NXPE2: variants seen among roughly 807,000 people sequenced by gnomAD.
The protein encoded by NXPE2 is neurexophilin and PC-esterase domain family member 2.
NXPE2 carries 34 observed loss-of-function variants against 34.4 expected under a neutral mutation model. That is an observed-to-expected ratio of 0.99 (90% confidence interval 0.75 to 1.31). The LOEUF is 1.31. Ranked by LOEUF, NXPE2 falls within the 40% of genes most tolerant of loss-of-function variation. NXPE2 has a pLI of 0.00. For missense variants in NXPE2, 649 were observed against 672.5 expected (o/e 0.97, Z 0.39); for synonymous variants, 235 against 231.3 (o/e 1.02, Z -0.15).
At chr11:114,493,535 C>T in the NXPE2 span, among the ~76,000 whole-genome samples, 1 of 152,000 alleles carries the variant, frequency 6.6e-6, no homozygotes, top group Non-Finnish European at 1.5e-5. Flanking sequence ...TCTTATAACC[C>T]ATCATTTTGA....
At chr11:114,476,940 T>G in the NXPE2 span, among the ~76,000 whole-genome samples, 1 of 152,208 alleles carries the variant, frequency 6.6e-6, no homozygotes, top group Admixed American at 6.5e-5. Context: ...TTAAGTTATA[T>G]TATTAAATTA....
chr11:114,810,116 G>T, the NXPE2 span, among the ~76,000 whole-genome samples: 1 of 146,068 alleles, frequency 6.8e-6, no homozygotes, highest in Non-Finnish European at 1.5e-5. Context: ...AATAAATGGT[G>T]CTGGGAAAAC....
At chr11:114,626,370 T>A in the NXPE2 span, among the ~76,000 whole-genome samples, 1 of 152,190 alleles carries the variant, frequency 6.6e-6, no homozygotes, top group African/African-American at 2.4e-5. Context: ...CCCTGACCCC[T>A]GACCCCCGAG....
At chr11:114,769,442 C>A in the NXPE2 span, among the ~76,000 whole-genome samples, 3 of 152,086 alleles carry the variant, frequency 2.0e-5, no homozygotes, top group East Asian at 5.8e-4. Flanking sequence ...ACCATTTGAC[C>A]CAGCAATCCC....
At chr11:114,482,004 A>C in the NXPE2 span, among the ~76,000 whole-genome samples, 1 of 151,326 alleles carries the variant, frequency 6.6e-6, no homozygotes, top group African/African-American at 2.4e-5. Context: ...ATAGCCATAC[A>C]CAAATTGAGA....
At chr11:114,746,883 C>CAAAA in the NXPE2 span, among the ~76,000 whole-genome samples, 14 of 126,618 alleles carry the variant, frequency 1.1e-4, no homozygotes, top group African/African-American at 3.9e-4. Context: ...AAGCCAAAAC[C>CAAAA]AAAAAAAAAA....
the NXPE2 span, among the ~76,000 whole-genome samples, chr11:114,663,095 G>A: frequency 6.6e-6 from 1 of 152,146 alleles, no homozygotes; most frequent in Non-Finnish European, 1.5e-5. Flanking sequence ...TACCAGGCCA[G>A]GCATCATTCA....
the NXPE2 span, among the ~76,000 whole-genome samples, chr11:114,601,064 C>T: frequency 1.3e-5 from 2 of 151,844 alleles, no homozygotes; most frequent in African/African-American, 2.4e-5. Context: ...CTATCAATGT[C>T]ACACTGTTGT....
downstream of NXPE2, among the ~76,000 whole-genome samples, chr11:114,708,769 A>G (rs1424598317): frequency 2.0e-5 from 3 of 152,218 alleles, no homozygotes; most frequent in Non-Finnish European, 2.9e-5. Context: ...TATTGGTTCT[A>G]ATTCCTCCTT....
chr11:114,645,661 C>A, the NXPE2 span, among the ~76,000 whole-genome samples: 1 of 151,882 alleles, frequency 6.6e-6, no homozygotes, highest in African/African-American at 2.4e-5. Flanking sequence ...CAAAGAACTC[C>A]TCCAAAGTAA....
the NXPE2 span, among the ~76,000 whole-genome samples, chr11:114,743,959 G>A: frequency 3.3e-5 from 5 of 151,408 alleles, no homozygotes; most frequent in African/African-American, 1.2e-4. Context: ...GCATATATAT[G>A]TATATTTTTT....
the NXPE2 span, among the ~76,000 whole-genome samples, chr11:114,524,905 CA>C: frequency 6.6e-6 from 1 of 152,148 alleles, no homozygotes; most frequent in South Asian, 2.1e-4. Context: ...CAGGCAAAAG[CA>C]ACTCCATTTT....
At chr11:114,640,184 A>G in the NXPE2 span, among the ~76,000 whole-genome samples, 1 of 134,820 alleles carries the variant, frequency 7.4e-6, no homozygotes, top group South Asian at 2.2e-4. Context: ...TTTATATATT[A>G]TATATAATTT....
downstream of NXPE2, among the ~76,000 whole-genome samples, chr11:114,707,751 T>C (rs182462835): frequency 4.9e-4 from 74 of 152,350 alleles, no homozygotes; most frequent in African/African-American, 1.1e-3. Flanking sequence ...TCCTTCTGAA[T>C]TTGACTATTT....
the NXPE2 span, among the ~76,000 whole-genome samples, chr11:114,671,054 T>G: frequency 6.8e-6 from 1 of 147,748 alleles, no homozygotes; most frequent in South Asian, 2.1e-4. Context: ...TATATAAAAA[T>G]ATAAATATAT....
At chr11:114,704,513 A>G (rs551156780) in intron 4 of NXPE2, among the ~76,000 whole-genome samples, 2 of 152,342 alleles carry the variant, frequency 1.3e-5, no homozygotes, top group African/African-American at 2.4e-5. Flanking sequence ...CAGTTTAATC[A>G]TATGAACTTT....
the NXPE2 span, among the ~76,000 whole-genome samples, chr11:114,782,352 C>T: frequency 6.6e-6 from 1 of 152,118 alleles, no homozygotes; most frequent in Non-Finnish European, 1.5e-5. Flanking sequence ...AGCTGAGAGG[C>T]AGGATTGGCT....
At chr11:114,637,320 A>G in the NXPE2 span, among the ~76,000 whole-genome samples, 8 of 151,682 alleles carry the variant, frequency 5.3e-5, no homozygotes, top group Non-Finnish European at 1.0e-4. Context: ...TGCTTGGTAG[A>G]TCTTCCTCCA....
the NXPE2 span, among the ~76,000 whole-genome samples, chr11:114,467,708 G>C: frequency 2.0e-5 from 3 of 152,058 alleles, no homozygotes; most frequent in African/African-American, 7.2e-5. Flanking sequence ...GCGGAGGTAG[G>C]CAGATGGCTT....
Sources: gnomAD v4.1 joint callset for allele counts (sites outside exome capture counted in the v4.1 genomes callset) on GRCh38, gnomAD v4.1.1 for gene constraint, MANE v1.5 for transcripts, NCBI Gene and HGNC (gene_info 2026-07-23, HGNC 2026-07-21) for gene names.